ASTN1: variants seen among roughly 807,000 people sequenced by gnomAD.
The protein encoded by ASTN1 is astrotactin 1, also known as astrotactin-1.
Under a neutral mutation model 140.7 loss-of-function variants are expected in ASTN1, and 41 were observed. That is an observed-to-expected ratio of 0.29 (90% CI 0.23 to 0.38). The LOEUF (loss-of-function observed/expected upper bound fraction) is 0.38, where lower values mean the gene tolerates loss of function less well. ASTN1 is among the 10% of genes least tolerant of loss of function. The pLI, the probability that ASTN1 is intolerant of heterozygous loss-of-function variation, is 1.00. For missense variants in ASTN1, 1,479 were observed against 1,678.8 expected (o/e 0.88, Z 2.08); for synonymous variants, 640 against 652.2 (o/e 0.98, Z 0.29).
intron 1 of ASTN1, among the ~76,000 whole-genome samples, chr1:177,148,554 C>T (rs1295495291): frequency 6.6e-6 from 1 of 151,422 alleles, no homozygotes; most frequent in Non-Finnish European, 1.5e-5. Context: ...TTCTAAGAGT[C>T]AAAATACCAC....
At chr1:177,000,942 G>C (rs1674699804) in intron 8 of ASTN1, among the ~76,000 whole-genome samples, 1 of 152,136 alleles carries the variant, frequency 6.6e-6, no homozygotes, top group Non-Finnish European at 1.5e-5. Flanking sequence ...GTCTAGAATT[G>C]TCAGCGATTC....
chr1:176,894,667 C>G lies in ASTN1; in HGVS notation c.2835G>C (p.Leu945=). Residue 945 remains leucine (L), a synonymous_variant, in exon 17 of 23, where the codon CTG becomes CTC. Coordinates refer to ENST00000361833, the MANE Select transcript of ASTN1 (RefSeq NM_004319.3). ...SKGRCPSSCP[L]CHVTSSPDTP... is the part of the protein sequence containing the mutation. ...TGTCAGGGCTGGATGTCACATGACA[C>G]AGGGGGCAGGACGAGGGGCATCGTC... 7 of 1,614,116 alleles carry G rather than the reference C, an allele frequency of 4.3e-6. No individual in the cohort carries two copies. Among genetic ancestry groups the G allele is most frequent in the Admixed American group, 1.7e-5 (1 of 60,022 alleles).
intron 2 of ASTN1, among the ~76,000 whole-genome samples, chr1:177,058,528 G>A (rs1013111897): frequency 6.6e-6 from 1 of 152,142 alleles, no homozygotes; most frequent in Admixed American, 6.5e-5. Context: ...GTTGACTCTT[G>A]TTCTTTCTCC....
chr1:176,969,197 G>A (rs948559133), intron 8 of ASTN1, among the ~76,000 whole-genome samples: 1 of 152,140 alleles, frequency 6.6e-6, no homozygotes, highest in Non-Finnish European at 1.5e-5. Flanking sequence ...TTGTACCCAG[G>A]TTTAAATGGA....
At position 176,978,279 on chromosome 1, in the gene ASTN1, C is replaced by T. The variant is rs367768589; in HGVS notation, c.1524-13042G>A. 5.9e-5 allele frequency among the ~76,000 whole-genome samples: 9 copies of T among 152,194 alleles called. No individual in the cohort carries two copies. In the East Asian group the frequency reaches 1.2e-3, roughly 20 times the overall value. ...TGAAAGCAAATCTATACTTGGGTAG[C>T]GAATGGGGAGCCACTGATGGGCTTT... On this transcript the variant is annotated intron_variant, in intron 8 of 22. Coordinates refer to ENST00000361833, the MANE Select transcript of ASTN1 (RefSeq NM_004319.3).
chr1:176,913,021 G>C (rs1401672376), intron 16 of ASTN1, among the ~76,000 whole-genome samples: 1 of 152,160 alleles, frequency 6.6e-6, no homozygotes, highest in Admixed American at 6.5e-5. Flanking sequence ...GCCCACCCCT[G>C]CAGGTAACAG....
At chr1:177,070,282 G>A (rs942069848) in intron 1 of ASTN1, among the ~76,000 whole-genome samples, 1 of 152,164 alleles carries the variant, frequency 6.6e-6, no homozygotes, top group Non-Finnish European at 1.5e-5. Context: ...TAGACCCAGT[G>A]AGAGATCTGT....
intron 8 of ASTN1, among the ~76,000 whole-genome samples, chr1:176,970,383 C>T (rs559409450): frequency 2.7e-4 from 41 of 152,348 alleles, no homozygotes; most frequent in Non-Finnish European, 5.6e-4. Context: ...CAAGGGACTA[C>T]TCTTGCCTTA....
intron 1 of ASTN1, among the ~76,000 whole-genome samples, chr1:177,073,160 C>T (rs1202797018): frequency 6.6e-6 from 1 of 152,098 alleles, no homozygotes; most frequent in Non-Finnish European, 1.5e-5. Flanking sequence ...CATTCTGGAG[C>T]CAAAAAGGCA....
chr1:177,005,853 C>T (rs1674969145), intron 8 of ASTN1, among the ~76,000 whole-genome samples: 1 of 152,204 alleles, frequency 6.6e-6, no homozygotes, highest in African/African-American at 2.4e-5. Flanking sequence ...AGGTGTTCCA[C>T]TCGCCTTGAC....
In ASTN1 at chr1:177,052,616, T is replaced by C. The variant is rs532063066; in HGVS notation, c.471+8462A>G. 2.3e-4 allele frequency among the ~76,000 whole-genome samples: 35 copies of C among 152,314 alleles called. No individual in the cohort carries two copies. The South Asian group carries it at 2.5e-3, about 11-fold the overall frequency. ...AACTATAGTCTTGGTTGGTTCTCAA[T>C]GACCAGCATCTTCTCAGAGCCAATC... is the stretch of plus-strand genomic sequence containing the variant. On this transcript the variant is annotated intron_variant, in intron 2 of 22. Transcript: ENST00000361833.
At chr1:176,970,872 T>C (rs1184508273) in intron 8 of ASTN1, among the ~76,000 whole-genome samples, 1 of 152,066 alleles carries the variant, frequency 6.6e-6, no homozygotes, top group Non-Finnish European at 1.5e-5. Flanking sequence ...CGGACTTACA[T>C]ATTATTCTAC....
Position 176,861,382 on chromosome 1 carries a change from A to G in ASTN1, c.*2902T>C. The G allele has an allele frequency of 2.0e-6, 2 of 985,860 alleles. No homozygotes were observed. Among genetic ancestry groups the G allele is most frequent in the Non-Finnish European group, 2.4e-6 (2 of 829,924 alleles). 61.1% of individuals were successfully genotyped at this position (985,860 alleles called of 1,614,324 possible). A position where few individuals can be genotyped will look rare whatever the true frequency, so the allele number is the denominator to read the frequency against. On this transcript the variant is annotated 3_prime_UTR_variant, in exon 23 of 23. Transcript: ENST00000361833. ...AGGAAACTCCAGAGGTCTTGGGGACATGGGAGCTGGGAGAGTGTTGGTGGG... is the reference window on the plus strand; with the variant it reads ...AGGAAACTCCAGAGGTCTTGGGGACGTGGGAGCTGGGAGAGTGTTGGTGGG...
intron 22 of ASTN1, among the ~76,000 whole-genome samples, chr1:176,866,982 G>T (rs912270056): frequency 6.6e-6 from 1 of 152,140 alleles, no homozygotes. Context: ...ATTTCCTGCA[G>T]ACTAATGAAA....
chr1:176,947,883 T>C (rs1384874907), intron 12 of ASTN1, among the ~76,000 whole-genome samples: 2 of 152,218 alleles, frequency 1.3e-5, no homozygotes, highest in African/African-American at 4.8e-5. Flanking sequence ...GGTGCTCAAA[T>C]ATATGTTTAT....
intron 5 of ASTN1, among the ~76,000 whole-genome samples, chr1:177,028,568 G>T (rs1676253308): frequency 6.6e-6 from 1 of 152,156 alleles, no homozygotes; most frequent in African/African-American, 2.4e-5. Context: ...AGGAGACACT[G>T]GTTGACTATT....
chr1:177,085,128 A>G (rs764830103), intron 1 of ASTN1, among the ~76,000 whole-genome samples: 8 of 152,206 alleles, frequency 5.3e-5, no homozygotes, highest in Non-Finnish European at 7.4e-5. Flanking sequence ...ACCAGACACT[A>G]TGTTAGGTGT....
At chr1:177,097,065 G>C (rs1226134553) in intron 1 of ASTN1, among the ~76,000 whole-genome samples, 1 of 151,808 alleles carries the variant, frequency 6.6e-6, no homozygotes, top group Admixed American at 6.6e-5. Context: ...AAGCTACCCA[G>C]TATACGGTAT....
In ASTN1 at chr1:177,002,333, A is replaced by G. The variant is rs146008980; in HGVS notation, c.1523+12458T>C. Among the ~76,000 whole-genome samples, 269 of 152,054 alleles carry G rather than the reference A, an allele frequency of 1.8e-3. 1 individual carries two copies. The highest frequency in any genetic ancestry group is 5.4e-3 in the African/African-American group (224 of 41,460). On this transcript the variant is annotated intron_variant, in intron 8 of 22. Coordinates refer to ENST00000361833, the MANE Select transcript of ASTN1 (RefSeq NM_004319.3). ...TGTTCACTAACTGTGATTCTGGTCA[A>G]TGTACTACCGACCCTTAAATAATAA...
Sources: gnomAD v4.1 joint callset for allele counts (sites outside exome capture counted in the v4.1 genomes callset) on GRCh38, gnomAD v4.1.1 for gene constraint, MANE v1.5 for transcripts, NCBI Gene and HGNC (gene_info 2026-07-23, HGNC 2026-07-21) for gene names.